SSU72: variants seen among roughly 807,000 people sequenced by gnomAD.
SSU72 encodes the protein RNA polymerase II subunit A C-terminal domain phosphatase SSU72.
SSU72 carries 12 observed loss-of-function variants against 22.7 expected under a neutral mutation model. That is an observed-to-expected ratio of 0.53 (90% CI 0.34 to 0.86). The LOEUF is 0.86. Ranked by LOEUF, SSU72 falls within the 40% of genes least tolerant of loss-of-function variation. SSU72 has a pLI of 0.02. For synonymous variants in SSU72, 116 were observed against 98.3 expected, an observed-to-expected ratio of 1.18 and a Z score of -1.06; for missense variants, 151 against 249.8, an observed-to-expected ratio of 0.60 and a Z score of 2.67.
At chr1:1,544,594 G>T (rs1286469302) in intron 3 of SSU72, 1 of 492,812 alleles carries the variant, frequency 2.0e-6, no homozygotes, top group Admixed American at 3.3e-5. Flanking sequence ...CTCCAGCCTG[G>T]CGACAGAGCA....
At chr1:1,566,039 C>T (rs1260626701) in intron 1 of SSU72, among the ~76,000 whole-genome samples, 5 of 151,854 alleles carry the variant, frequency 3.3e-5, no homozygotes, top group African/African-American at 4.8e-5. Context: ...AATGGATCAC[C>T]TGAGGCTGGG....
Position 1,574,039 on chromosome 1 carries a change from AAG to A in SSU72, c.80+437_80+438del, listed in dbSNP as rs1227762923. ...TCTTTCGCAAAAAAAAAAAAAGAAG[AAG>A]AAGTAGCAAACACACAAATCCATGG... is the stretch of plus-strand genomic sequence containing the variant. On this transcript the variant is annotated intron_variant, in intron 1 of 4. Coordinates refer to ENST00000291386, the MANE Select transcript of SSU72 (RefSeq NM_014188.3). 8.3e-3 allele frequency among the ~76,000 whole-genome samples: 1,250 copies of A among 151,110 alleles called. 57 individuals carry two copies. The highest frequency in any genetic ancestry group is 0.075 in the Admixed American group (1,138 of 15,172).
At chr1:1,546,641 A>G (rs1443587918) in intron 2 of SSU72, among the ~76,000 whole-genome samples, 2 of 152,084 alleles carry the variant, frequency 1.3e-5, no homozygotes, top group Admixed American at 6.6e-5. Flanking sequence ...GTTTGAGACC[A>G]GCCTGGCCAA....
chr1:1,569,198 C>G (rs28704973), intron 1 of SSU72, among the ~76,000 whole-genome samples: 5 of 151,798 alleles, frequency 3.3e-5, no homozygotes, highest in East Asian at 1.9e-4. Flanking sequence ...AAGAAAAAAA[C>G]AAAAAAACAA....
rs1232841346 is a variant in SSU72, at chr1:1,572,279, T to A, written c.80+2199A>T. On this transcript the variant is annotated intron_variant, in intron 1 of 4. Transcript: ENST00000291386. ...CGTCTCTACTAAAAATACAAAAAAATTAGCCGGGCGTGGTGGCGGGCGCCT... is the reference window on the plus strand; with the variant it reads ...CGTCTCTACTAAAAATACAAAAAAAATAGCCGGGCGTGGTGGCGGGCGCCT... Among the ~76,000 whole-genome samples the A allele has an allele frequency of 2.1e-5, 3 of 140,736 alleles. No individual in the cohort carries two copies. In the East Asian group the frequency reaches 7.5e-4, roughly 35 times the overall value. The allele number at this position is 140,736 out of a possible 152,430, so 92.3% of individuals were successfully genotyped here.
intron 1 of SSU72, among the ~76,000 whole-genome samples, chr1:1,565,978 C>G (rs961965589): frequency 1.3e-5 from 2 of 152,050 alleles, no homozygotes; most frequent in African/African-American, 4.8e-5. Flanking sequence ...ACTTTGGCAC[C>G]GAGTGCGGTG....
intron 2 of SSU72, among the ~76,000 whole-genome samples, chr1:1,558,377 T>C (rs548897146): frequency 6.6e-6 from 1 of 150,814 alleles, no homozygotes; most frequent in South Asian, 2.1e-4. Flanking sequence ...CAAAACCAAA[T>C]AATAATAATA....
At chr1:1,553,289 CTT>C (rs953935389) in intron 2 of SSU72, among the ~76,000 whole-genome samples, 2 of 151,986 alleles carry the variant, frequency 1.3e-5, no homozygotes, top group African/African-American at 4.8e-5. Context: ...ACATAAGGGA[CTT>C]CTTATCTCCA....
At chr1:1,567,572 C>G (rs1642677107) in intron 1 of SSU72, among the ~76,000 whole-genome samples, 1 of 152,198 alleles carries the variant, frequency 6.6e-6, no homozygotes, top group Non-Finnish European at 1.5e-5. Flanking sequence ...GGCCCAGACA[C>G]AAGGCATACC....
At chr1:1,552,910 A>C (rs1199063448) in intron 2 of SSU72, among the ~76,000 whole-genome samples, 2 of 151,506 alleles carry the variant, frequency 1.3e-5, no homozygotes, top group Admixed American at 1.3e-4. Context: ...AATCCCAGCT[A>C]CTTGGGAGGC....
rs998577517 is a variant in SSU72, at chr1:1,554,747, A to G, written c.225-9745T>C. On this transcript the variant is annotated intron_variant, in intron 2 of 4. Coordinates refer to ENST00000291386, the MANE Select transcript of SSU72 (RefSeq NM_014188.3). The surrounding 1 kb of genome is among the most constrained non-coding windows in gnomAD (Gnocchi z 4.1). ...TCCCACCACGGCCTGGGAAAAAGCC[A>G]TGTCAGGTGCAGCACGCTGGCCACA... is the stretch of plus-strand genomic sequence containing the variant. Among the ~76,000 whole-genome samples the G allele has an allele frequency of 6.6e-6, 1 of 152,062 alleles. No homozygotes were observed. The highest frequency in any genetic ancestry group is 1.5e-5 in the Non-Finnish European group (1 of 67,990).
At chr1:1,546,845 AAACAAC>A (rs764603336) in intron 2 of SSU72, among the ~76,000 whole-genome samples, 6 of 106,504 alleles carry the variant, frequency 5.6e-5, no homozygotes, top group African/African-American at 2.5e-4. Flanking sequence ...TCCTTCTGGA[AAACAAC>A]AACAACAACA....
rs1253968525 is a variant in SSU72, at chr1:1,571,989, G to A, written c.80+2489C>T. Among the ~76,000 whole-genome samples the A allele has an allele frequency of 1.3e-4, 19 of 151,214 alleles. No individual in the cohort carries two copies. The South Asian group carries it at 3.8e-3, about 30-fold the overall frequency. Reference sequence around the variant, plus strand: ...TTTTTGTATTTTTTGTAGAGACGGGGTTTCACCATGTTAGCCAAGATGGTC... The same window carrying A: ...TTTTTGTATTTTTTGTAGAGACGGGATTTCACCATGTTAGCCAAGATGGTC... On this transcript the variant is annotated intron_variant, in intron 1 of 4. Coordinates refer to ENST00000291386, the MANE Select transcript of SSU72 (RefSeq NM_014188.3).
At chr1:1,570,382 C>T (rs987964365) in intron 1 of SSU72, among the ~76,000 whole-genome samples, 3 of 151,878 alleles carry the variant, frequency 2.0e-5, no homozygotes, top group African/African-American at 4.8e-5. Flanking sequence ...AACACCCTGC[C>T]GACCAGAGGC....
intron 1 of SSU72, among the ~76,000 whole-genome samples, chr1:1,571,563 T>C (rs1642731709): frequency 6.6e-6 from 1 of 152,178 alleles, no homozygotes; most frequent in South Asian, 2.1e-4. Context: ...TCTACTCTTT[T>C]ATGAGTAAAT....
Position 1,571,244 on chromosome 1 carries a change from C to CAAAAA in SSU72, c.80+3229_80+3233dup, listed in dbSNP as rs753699933. ...TGGGCGACAGAGTGAGACTCCATCT[C>CAAAAA]AAAAAAAAAAAAAAAAAAAAAAAAA... On this transcript the variant is annotated intron_variant, in intron 1 of 4. Transcript: ENST00000291386. Among the ~76,000 whole-genome samples, 22 of 46,896 alleles carry CAAAAA rather than the reference C, an allele frequency of 4.7e-4. 4 individuals are homozygous for CAAAAA. The highest frequency in any genetic ancestry group is 2.6e-3 in the Admixed American group (10 of 3,874). 30.8% of individuals were successfully genotyped at this position (46,896 alleles called of 152,430 possible).
chr1:1,545,842 A>C (rs1642382500), intron 2 of SSU72: 1 of 152,444 alleles, frequency 6.6e-6, no homozygotes. Context: ...TACAAAAACC[A>C]AGAGGGCAAG....
intron 1 of SSU72, among the ~76,000 whole-genome samples, chr1:1,573,079 AGGAGTT>A (rs1642753309): frequency 6.7e-6 from 1 of 150,274 alleles, no homozygotes; most frequent in African/African-American, 2.5e-5. Flanking sequence ...ACCTGAGGTC[AGGAGTT>A]TGAGATTAGC....
In SSU72 at chr1:1,568,420, C is replaced by T. The variant is rs180987491; in HGVS notation, c.81-3504G>A. 9.8e-3 allele frequency among the ~76,000 whole-genome samples: 1,494 copies of T among 151,942 alleles called. 10 individuals carry two copies. The highest frequency in any genetic ancestry group is 0.014 in the Non-Finnish European group (925 of 67,968). On this transcript the variant is annotated intron_variant, in intron 1 of 4. Transcript: ENST00000291386. ...CAGCCTGGCCAACATGACAAAACCCCGTCTCTACTTTAAAAAAAAAATAAA... is the reference window on the plus strand; with the variant it reads ...CAGCCTGGCCAACATGACAAAACCCTGTCTCTACTTTAAAAAAAAAATAAA...
Sources: allele counts gnomAD v4.1 joint callset (sites outside exome capture counted in the v4.1 genomes callset), GRCh38; gene constraint gnomAD v4.1.1; non-coding constraint Gnocchi (gnomAD v3.1); transcripts MANE v1.5; gene names NCBI Gene and HGNC (gene_info 2026-07-23, HGNC 2026-07-21).